Variants in HEATR5B observed in about 807,000 individuals in gnomAD.
HEATR5B encodes HEAT repeat-containing protein 5B.
In HEATR5B, 156 loss-of-function variants were observed where a neutral mutation model predicts 224.1. That is an observed-to-expected ratio of 0.70 (90% CI 0.61 to 0.80). The LOEUF (loss-of-function observed/expected upper bound fraction) is 0.80, where lower values mean the gene tolerates loss of function less well. Among genes scored for constraint, HEATR5B ranks in the 30% least tolerant of loss-of-function variants. The pLI, the probability that HEATR5B is intolerant of heterozygous loss-of-function variation, is 0.00. For missense variants in HEATR5B, 2,323 were observed against 2,535.5 expected, an observed-to-expected ratio of 0.92 and a Z score of 1.80; for synonymous variants, 1,027 against 893.0, an observed-to-expected ratio of 1.15 and a Z score of -2.68.
In HEATR5B at chr2:37,057,614, C is replaced by T. The variant is rs114963094; in HGVS notation, c.2060-134G>A. ...CTCTGTTCTCTTCTTTAAAAAAAAT[C>T]TATATTTAAATGCTGGTTTTAATAT... On this transcript the variant is annotated intron_variant, in intron 14 of 35. Coordinates refer to ENST00000233099, the MANE Select transcript of HEATR5B (RefSeq NM_019024.3). The T allele has an allele frequency of 5.1e-4, 290 of 565,124 alleles. 1 individual carries two copies. Among genetic ancestry groups the T allele is most frequent in the African/African-American group, 4.8e-3 (243 of 50,920 alleles). The allele number at this position is 565,124 out of a possible 1,614,324, so 35.0% of individuals were successfully genotyped here.
intron 20 of HEATR5B, among the ~76,000 whole-genome samples, chr2:37,039,079 G>A (rs1669710708): frequency 6.6e-6 from 1 of 151,718 alleles, no homozygotes; most frequent in African/African-American, 2.4e-5. Flanking sequence ...CCAGCACTTT[G>A]CAAGGCTGAG....
Position 37,020,706 on chromosome 2 carries a change from C to T in HEATR5B, c.3984G>A (p.Val1328=). Residue 1328 remains valine (V), a synonymous_variant, in exon 25 of 36, where the codon GTG becomes GTA. Transcript: ENST00000233099. ...CATGACCTGGAAATTCTGGCTCAGG[C>T]ACAGACGCAAACTTCTTGATAATGT... The part of the protein sequence containing the change: ...LEDIIKKFAS[V]PEPEFPGHVI... 6.2e-7 allele frequency: 1 copy of T among 1,604,202 alleles called. No homozygotes were observed. The highest frequency in any genetic ancestry group is 8.5e-7 in the Non-Finnish European group (1 of 1,177,892).
In HEATR5B at chr2:37,004,864, T is replaced by C. The variant is rs80027709; in HGVS notation, c.4905+768A>G. Reference sequence around the variant, plus strand: ...CTTCCTTTATTCAGCCTTCCTAGGCTAGTGTTATCATTTCTCTGGAATTAT... The same window carrying C: ...CTTCCTTTATTCAGCCTTCCTAGGCCAGTGTTATCATTTCTCTGGAATTAT... On this transcript the variant is annotated intron_variant, in intron 30 of 35. Transcript: ENST00000233099. Among the ~76,000 whole-genome samples the C allele has an allele frequency of 5.9e-5, 9 of 152,310 alleles. No individual in the cohort carries two copies. In the East Asian group the frequency reaches 1.7e-3, roughly 29 times the overall value.
chr2:36,985,458 G>GTT lies in HEATR5B; in HGVS notation c.5911+3186_5911+3187dup, dbSNP rs376871419. Reference sequence around the variant, plus strand: ...GAAATCACGATGGTGCTTTTTTTTGGTTTTTTTTTTTTTTTTTGAGACAGA... The same window carrying GTT: ...GAAATCACGATGGTGCTTTTTTTTGGTTTTTTTTTTTTTTTTTTTGAGACAGA... On this transcript the variant is annotated intron_variant, in intron 35 of 35. Coordinates refer to ENST00000233099, the MANE Select transcript of HEATR5B (RefSeq NM_019024.3). Among the ~76,000 whole-genome samples the GTT allele has an allele frequency of 6.9e-3, 874 of 126,660 alleles. 13 individuals carry two copies. Among genetic ancestry groups the GTT allele is most frequent in the African/African-American group, 0.013 (438 of 33,904 alleles). The allele number at this position is 126,660 out of a possible 152,430, so 83.1% of individuals were successfully genotyped here.
At chr2:37,074,729 T>C (rs952984815) in intron 5 of HEATR5B, among the ~76,000 whole-genome samples, 1 of 152,116 alleles carries the variant, frequency 6.6e-6, no homozygotes, top group Non-Finnish European at 1.5e-5. Flanking sequence ...AATAAAACAA[T>C]GGACAAAAGA....
chr2:37,063,036 G>A (rs952392897), intron 10 of HEATR5B, among the ~76,000 whole-genome samples: 4 of 152,186 alleles, frequency 2.6e-5, no homozygotes, highest in African/African-American at 9.7e-5. Context: ...CTGACCTAAA[G>A]TGATCCTCCA....
At position 37,040,397 on chromosome 2, in the gene HEATR5B, G is replaced by A; in HGVS notation, c.2978C>T (p.Thr993Ile). Reference sequence around the variant, plus strand: ...TCGACCCAAACACTGATGAACTTCTGTATGTGAAGGCGGAACTGTCAACAG... The same window carrying A: ...TCGACCCAAACACTGATGAACTTCTATATGTGAAGGCGGAACTGTCAACAG... ...TLLLTVPPSH[T>I]EVHQCLGRCL... The change falls in exon 20 of 36, where the codon ACA becomes ATA. Residue 993 changes from threonine (T) to isoleucine (I), a missense_variant. Transcript: ENST00000233099. 6.2e-7 allele frequency: 1 copy of A among 1,614,020 alleles called. No individual in the cohort carries two copies. Among genetic ancestry groups the A allele is most frequent in the Non-Finnish European group, 8.5e-7 (1 of 1,179,970 alleles).
At position 36,991,866 on chromosome 2, in the gene HEATR5B, T is replaced by C. The variant is rs924670027; in HGVS notation, c.5546-1067A>G. 7.9e-5 allele frequency among the ~76,000 whole-genome samples: 12 copies of C among 152,258 alleles called. No individual in the cohort carries two copies. In the South Asian group the frequency reaches 2.5e-3, roughly 32 times the overall value. On this transcript the variant is annotated intron_variant, in intron 33 of 35. Coordinates refer to ENST00000233099, the MANE Select transcript of HEATR5B (RefSeq NM_019024.3). ...ATAAGGGTACCAGCTTTTTGTAATA[T>C]GGAATAAAGGGTTAAGAACAATAGT...
intron 22 of HEATR5B, among the ~76,000 whole-genome samples, chr2:37,029,229 T>C (rs1000732687): frequency 1.1e-4 from 16 of 152,242 alleles, no homozygotes; most frequent in African/African-American, 3.4e-4. Context: ...GCTAAATATA[T>C]TTAACAAACT....
chr2:37,058,362 T>A, intron 14 of HEATR5B, 89 bp downstream of exon 14: 4 of 742,664 alleles, frequency 5.4e-6, no homozygotes, highest in Non-Finnish European at 9.5e-6. Context: ...GCACAGTAAG[T>A]CAGTGGGAGA....
intron 20 of HEATR5B, among the ~76,000 whole-genome samples, chr2:37,039,206 C>T (rs1398568509): frequency 6.6e-6 from 1 of 151,484 alleles, no homozygotes; most frequent in Non-Finnish European, 1.5e-5. Flanking sequence ...GTGGCTCACG[C>T]CTGTAATCCC....
In HEATR5B at chr2:37,068,693, T is replaced by C; in HGVS notation, c.1165A>G (p.Met389Val). The change falls in exon 8 of 36, where the codon ATG becomes GTG. Residue 389 changes from methionine to valine, a missense_variant. By Grantham distance (21) the Met-to-Val change is conservative (BLOSUM62 1). Around this residue, in one of 12 missense-constraint regions of HEATR5B, gnomAD observed 502 missense variants for 517.8 expected, o/e 0.97. Coordinates refer to ENST00000233099, the MANE Select transcript of HEATR5B (RefSeq NM_019024.3). ...TACTGATTCTTACCTACGGCTTTCA[T>C]TTGTTTTCCAATAGCTTGGCAGATT... ...KEICQAIGKQMKAVEAVVNDT... is the reference protein window; with the variant it reads ...KEICQAIGKQVKAVEAVVNDT... The C allele has an allele frequency of 6.2e-7, 1 of 1,614,122 alleles. No individual in the cohort carries two copies. The highest frequency in any genetic ancestry group is 1.1e-5 in the South Asian group (1 of 91,082).
chr2:37,012,086 C>T (rs540304585), intron 27 of HEATR5B, among the ~76,000 whole-genome samples: 3 of 152,214 alleles, frequency 2.0e-5, no homozygotes, highest in East Asian at 3.9e-4. Context: ...CAATCAGAAG[C>T]ATAAGCAAAA....
At chr2:37,000,050 A>G (rs1666988439) in intron 33 of HEATR5B, among the ~76,000 whole-genome samples, 1 of 151,660 alleles carries the variant, frequency 6.6e-6, no homozygotes, top group Non-Finnish European at 1.5e-5. Context: ...CCAAAAAACA[A>G]AAAACCTCCC....
chr2:37,047,415 G>A (rs565039857), intron 18 of HEATR5B, among the ~76,000 whole-genome samples: 15 of 152,262 alleles, frequency 9.9e-5, no homozygotes, highest in Admixed American at 9.8e-4. Context: ...AGTTACCTTT[G>A]TGTTATTATT....
At position 36,990,782 on chromosome 2, in the gene HEATR5B, G is replaced by T; in HGVS notation, c.5563C>A (p.Pro1855Thr). The part of the protein sequence containing the change: ...YSQPEDSVPT[P>T]DEVSMLTAIA... ...GCTGTTAGCATGCTTACTTCATCAG[G>T]TGTAGGTACAGAGTCTTCTGAAAAT... The change falls in exon 34 of 36, where the codon CCT becomes ACT. Residue 1855 changes from proline (P) to threonine (T), a missense_variant. Coordinates refer to ENST00000233099, the MANE Select transcript of HEATR5B (RefSeq NM_019024.3). 2 of 1,598,858 alleles carry T rather than the reference G, an allele frequency of 1.3e-6. No individual in the cohort carries two copies. Among genetic ancestry groups the T allele is most frequent in the Non-Finnish European group, 1.7e-6 (2 of 1,172,724 alleles).
At chr2:37,020,517 G>C in intron 25 of HEATR5B, 138 bp downstream of exon 25, 1 of 534,164 alleles carries the variant, frequency 1.9e-6, no homozygotes, top group Non-Finnish European at 3.2e-6. Context: ...CTAGGTAACA[G>C]ACAATGGAGA....
chr2:36,989,010 G>T, intron 34 of HEATR5B, 151 bp from the exon 35 acceptor site: 1 of 615,122 alleles, frequency 1.6e-6, no homozygotes, highest in Non-Finnish European at 2.8e-6. Context: ...GAGTAGAATA[G>T]AATTTTGTGA....
At chr2:37,017,379 G>A (rs12612838) in intron 26 of HEATR5B, among the ~76,000 whole-genome samples, 15,671 of 150,998 alleles carry the variant, frequency 0.1, 1,215 homozygotes, top group African/African-American at 0.21. Flanking sequence ...GGCAACAGAG[G>A]GAGACTGTGT....
Sources: gnomAD v4.1 joint callset for allele counts (sites outside exome capture counted in the v4.1 genomes callset) on GRCh38, gnomAD v4.1.1 for gene constraint, gnomAD v4.1.1 regional missense constraint, MANE v1.5 for transcripts, NCBI Gene and HGNC (gene_info 2026-07-23, HGNC 2026-07-21) for gene names.